ANK1: variants seen among roughly 807,000 people sequenced by gnomAD.
The protein encoded by ANK1 is ankyrin 1, also known as ankyrin-1.
Under a neutral mutation model 210.4 loss-of-function variants are expected in ANK1, and 51 were observed. The observed-to-expected ratio is 0.24, with a 90% CI of 0.19 to 0.31. The LOEUF (loss-of-function observed/expected upper bound fraction) is 0.31. Ranked by LOEUF, ANK1 falls within the 10% of genes least tolerant of loss-of-function variation. ANK1 has a pLI of 1.00. For synonymous variants in ANK1, 967 were observed against 1,025.9 expected (o/e 0.94, Z 1.10); for missense variants, 2,051 against 2,504.4 (o/e 0.82, Z 3.86).
chr8:41,712,477 C>T (rs986400044), intron 16 of ANK1, among the ~76,000 whole-genome samples: 1 of 152,200 alleles, frequency 6.6e-6, no homozygotes, highest in Admixed American at 6.5e-5. Context: ...TGAGCTTCCC[C>T]TAAACCAGAA....
chr8:41,883,647 A>T (rs1817972782), intron 1 of ANK1, among the ~76,000 whole-genome samples: 1 of 152,040 alleles, frequency 6.6e-6, no homozygotes, highest in Non-Finnish European at 1.5e-5. Flanking sequence ...TTTTGTAGAG[A>T]TGGGGTCTTC....
chr8:41,703,695 TG>T (rs1330722818), intron 20 of ANK1, among the ~76,000 whole-genome samples: 2 of 151,918 alleles, frequency 1.3e-5, no homozygotes, highest in Non-Finnish European at 2.9e-5. Context: ...CTCACTATGT[TG>T]CCCACGCTGG....
intron 1 of ANK1, among the ~76,000 whole-genome samples, chr8:41,873,456 A>G (rs1215615209): frequency 6.6e-6 from 1 of 152,218 alleles, no homozygotes; most frequent in African/African-American, 2.4e-5. Flanking sequence ...TAAGCCTCCA[A>G]GTCACCCTAT....
chr8:41,677,687 T>TCA (rs1459197075), intron 37 of ANK1, among the ~76,000 whole-genome samples: 2 of 151,728 alleles, frequency 1.3e-5, no homozygotes, highest in Non-Finnish European at 2.9e-5. Flanking sequence ...CCTCCTGGGC[T>TCA]CAAGCGATTC....
At position 41,723,098 on chromosome 8, in the gene ANK1, T is replaced by A. The variant is rs750925672; in HGVS notation, c.909+27A>T. ...TGGACCTGGAGCCCTGTCTAGAAAATGCGCCTGACAGGAAGGAAGTACACA... is the reference window on the plus strand; with the variant it reads ...TGGACCTGGAGCCCTGTCTAGAAAAAGCGCCTGACAGGAAGGAAGTACACA... On this transcript the variant is annotated intron_variant, in intron 9 of 42. Coordinates refer to ENST00000289734, the MANE Select transcript of ANK1 (RefSeq NM_000037.4). 6 of 1,609,860 alleles carry A rather than the reference T, an allele frequency of 3.7e-6. No individual in the cohort carries two copies. In the South Asian group the frequency reaches 6.6e-5, roughly 18 times the overall value.
Position 41,829,915 on chromosome 8 carries a change from G to C in ANK1, c.126+66440C>G, listed in dbSNP as rs530306479. Reference sequence around the variant, plus strand: ...CGCCCCACTGCACTCCAGCCTGGGCGACAGAGCGAGACTCTGTCTCAAAAA... The same window carrying C: ...CGCCCCACTGCACTCCAGCCTGGGCCACAGAGCGAGACTCTGTCTCAAAAA... On this transcript the variant is annotated intron_variant, in intron 1 of 42. Coordinates refer to the ANK1 transcript ENST00000265709. 57 of 121,534 alleles carry C rather than the reference G, an allele frequency of 4.7e-4. 1 individual carries two copies. Among genetic ancestry groups the C allele is most frequent in the African/African-American group, 1.9e-3 (57 of 29,874 alleles). The allele number at this position is 121,534 out of a possible 1,614,324, so 7.5% of individuals were successfully genotyped here.
intron 38 of ANK1, among the ~76,000 whole-genome samples, chr8:41,671,265 C>A (rs892714525): frequency 3.3e-5 from 5 of 152,194 alleles, no homozygotes; most frequent in African/African-American, 1.2e-4. Flanking sequence ...ACCAGCCCCT[C>A]CTTCAAAGGG....
intron 37 of ANK1, among the ~76,000 whole-genome samples, chr8:41,674,862 T>G (rs1392348483): frequency 6.6e-6 from 1 of 151,584 alleles, no homozygotes; most frequent in East Asian, 1.9e-4. Flanking sequence ...GAGGAAGGAG[T>G]GGGAAGAGTA....
At chr8:41,815,491 C>G (rs1055305052) in intron 1 of ANK1, among the ~76,000 whole-genome samples, 3 of 152,076 alleles carry the variant, frequency 2.0e-5, no homozygotes, top group African/African-American at 7.2e-5. Context: ...TGCTCTCTTT[C>G]TTCCCAACTT....
intron 31 of ANK1, among the ~76,000 whole-genome samples, chr8:41,691,972 C>T (rs1328288931): frequency 3.3e-5 from 5 of 152,138 alleles, no homozygotes; most frequent in Non-Finnish European, 7.3e-5. Context: ...GGATTATAGG[C>T]GTGAGCCTCT....
rs539371167 is a variant in ANK1 at position 41,684,443 on chromosome 8, C to T, written c.4537+101G>A. 73 of 1,543,578 alleles carry T rather than the reference C, an allele frequency of 4.7e-5. No homozygotes were observed. In the South Asian group the frequency reaches 5.9e-4, roughly 13 times the overall value. ...GACCTCCCACCAATGGGAGGCAGAG[C>T]GGGCTTTGAGGGATGACGTATTGTG... On this transcript the variant is annotated intron_variant, in intron 37 of 42. Transcript: ENST00000289734.
At chr8:41,786,025 C>T (rs558264321) in intron 1 of ANK1, among the ~76,000 whole-genome samples, 1 of 152,352 alleles carries the variant, frequency 6.6e-6, no homozygotes, top group South Asian at 2.1e-4. Context: ...CACCTCCCTG[C>T]AGATCGTCCC....
chr8:41,698,106 G>A lies in ANK1; in HGVS notation c.2574C>T (p.Ala858=). 1.2e-6 allele frequency: 2 copies of A among 1,614,110 alleles called. No homozygotes were observed. The highest frequency in any genetic ancestry group is 1.7e-6 in the Non-Finnish European group (2 of 1,180,034). Residue 858 remains alanine (A), a synonymous_variant, in exon 24 of 43, where the codon GCC becomes GCT. Transcript: ENST00000289734. The stretch of plus-strand genomic sequence containing the variant: ...GCATGGCACAGGGAATCCTGGGGAT[G>A]GCTGGAGATTCCACCCTGCGTGCCA... ...PKLDQVVESP[A]IPRIPCAMPE...
chr8:41,689,056 T>G (rs1686070671), intron 33 of ANK1, among the ~76,000 whole-genome samples: 1 of 152,194 alleles, frequency 6.6e-6, no homozygotes, highest in South Asian at 2.1e-4. Context: ...CTTAAGGCCT[T>G]AACATCACAG....
chr8:41,751,812 C>A (rs557376936), intron 2 of ANK1, among the ~76,000 whole-genome samples: 1 of 152,172 alleles, frequency 6.6e-6, no homozygotes, highest in Non-Finnish European at 1.5e-5. Context: ...TGTTTAGAAA[C>A]CTCCATCAGC....
chr8:41,807,875 A>G (rs575325803), intron 1 of ANK1, among the ~76,000 whole-genome samples: 4 of 146,132 alleles, frequency 2.7e-5, no homozygotes, highest in Non-Finnish European at 6.1e-5. Context: ...GTTTCTCTCT[A>G]CAAAGAGGAG....
intron 1 of ANK1, among the ~76,000 whole-genome samples, chr8:41,853,264 AG>A (rs1249374254): frequency 3.9e-5 from 6 of 152,240 alleles, no homozygotes; most frequent in African/African-American, 1.4e-4. Flanking sequence ...AAGAGAGTCA[AG>A]GTTTGCTGAA....
chr8:41,826,955 T>C (rs1805495846), intron 1 of ANK1, among the ~76,000 whole-genome samples: 1 of 152,248 alleles, frequency 6.6e-6, no homozygotes, highest in Non-Finnish European at 1.5e-5. Flanking sequence ...CTGGTCTGTA[T>C]GTATGTTCCT....
upstream of ANK1, among the ~76,000 whole-genome samples, chr8:41,801,347 C>T (rs1158901968): frequency 6.6e-6 from 1 of 152,188 alleles, no homozygotes; most frequent in Non-Finnish European, 1.5e-5. Flanking sequence ...TAAAAGCTTC[C>T]CAGTGCACGT....
Sources: allele counts gnomAD v4.1 joint callset (sites outside exome capture counted in the v4.1 genomes callset), GRCh38; gene constraint gnomAD v4.1.1; transcripts MANE v1.5; gene names NCBI Gene and HGNC (gene_info 2026-07-23, HGNC 2026-07-21).